The following MTNR1A variants were observed in gnomAD, a reference collection of about 807,000 sequenced individuals.
The protein encoded by MTNR1A is melatonin receptor 1A, also known as melatonin receptor type 1A.
A neutral mutation model predicts 5.5 loss-of-function variants in MTNR1A; 7 were observed. That is an observed-to-expected ratio of 1.28 (90% CI 0.73 to 2.40). The LOEUF (loss-of-function observed/expected upper bound fraction) is 2.40. MTNR1A is among the 30% of genes most tolerant of loss of function. The pLI is 0.00. For missense variants in MTNR1A, 441 were observed against 464.4 expected, an observed-to-expected ratio of 0.95 and a Z score of 0.46; for synonymous variants, 196 against 202.7, an observed-to-expected ratio of 0.97 and a Z score of 0.28.
chr4:186,534,225 T>A lies in MTNR1A; in HGVS notation c.517A>T (p.Arg173Trp). 1 of 1,613,892 alleles carries A rather than the reference T, an allele frequency of 6.2e-7. No homozygotes were observed. The highest frequency in any genetic ancestry group is 8.5e-7 in the Non-Finnish European group (1 of 1,179,944). ...TGGGCGAAGGTGCACGAGTAGATCC[T>A]CGGGTCGTACTGGAGAGTCCCTGCA... ...LRAGTLQYDP[R>W]IYSCTFAQSV... is the part of the protein sequence containing the mutation. The change falls in exon 2 of 2, where the codon AGG (arginine) becomes TGG (tryptophan). Residue 173 changes from arginine to tryptophan, a missense_variant. Transcript: ENST00000307161.
chr4:186,543,705 A>G (rs1737077748), intron 1 of MTNR1A, among the ~76,000 whole-genome samples: 1 of 152,250 alleles, frequency 6.6e-6, no homozygotes, highest in African/African-American at 2.4e-5. Flanking sequence ...AAAGTTGCAT[A>G]AAGAGACTGT....
chr4:186,544,244 C>G (rs1737090070), intron 1 of MTNR1A, among the ~76,000 whole-genome samples: 1 of 152,190 alleles, frequency 6.6e-6, no homozygotes, highest in Non-Finnish European at 1.5e-5. Flanking sequence ...TAGTCTCGAT[C>G]TCTTGACCTC....
At position 186,555,488 on chromosome 4, in the gene MTNR1A, G is replaced by A. The variant is rs1403982812; in HGVS notation, c.-123C>T. On this transcript the variant is annotated 5_prime_UTR_variant, in exon 1 of 2. Transcript: ENST00000307161. This position sits in a 1 kb window ranked among gnomAD's most constrained non-coding sequence, Gnocchi z 4.1. ...CCCATCCCGCGCGCTCCTCCACGCC[G>A]CGCCCCCGGACGCCCACGCCGCGCC... 4 of 785,834 alleles carry A rather than the reference G, an allele frequency of 5.1e-6. No homozygotes were observed. Among genetic ancestry groups the A allele is most frequent in the Non-Finnish European group, 6.7e-6 (4 of 598,352 alleles). The allele number at this position is 785,834 out of a possible 1,614,324, so 48.7% of individuals were successfully genotyped here. A position where few individuals can be genotyped will look rare whatever the true frequency, so the allele number is the denominator to read the frequency against.
Position 186,534,399 on chromosome 4 carries a change from T to C in MTNR1A, c.343A>G (p.Ile115Val). 1 of 1,614,138 alleles carries C rather than the reference T, an allele frequency of 6.2e-7. No homozygotes were observed. Among genetic ancestry groups the C allele is most frequent in the Non-Finnish European group, 8.5e-7 (1 of 1,180,028 alleles). ...ATGGCGATGCCGGTGATGTTGAATA[T>C]GGAGCCGATGACGCTCAGGCCCATC... ...FLMGLSVIGSIFNITGIAINR... is the reference protein window; with the variant it reads ...FLMGLSVIGSVFNITGIAINR... The change falls in exon 2 of 2, where the codon ATA becomes GTA. Residue 115 changes from isoleucine to valine, a missense_variant. Physicochemically the swap from Ile to Val is conservative, Grantham distance 29. Transcript: ENST00000307161.
chr4:186,536,539 G>T (rs1736856832), intron 1 of MTNR1A, among the ~76,000 whole-genome samples: 1 of 152,056 alleles, frequency 6.6e-6, no homozygotes, highest in African/African-American at 2.4e-5. Context: ...GTCTCCAGAT[G>T]GTGGCCCTCG....
intron 1 of MTNR1A, among the ~76,000 whole-genome samples, chr4:186,544,169 CGCCACCATGCCCA>C (rs1560896207): frequency 2.0e-5 from 3 of 152,072 alleles, no homozygotes. Context: ...TACAGGTGCA[CGCCACCATGCCCA>C]GCTAATTTTT....
intron 1 of MTNR1A, among the ~76,000 whole-genome samples, chr4:186,547,449 G>C (rs901974925): frequency 6.6e-6 from 1 of 151,838 alleles, no homozygotes; most frequent in African/African-American, 2.4e-5. Context: ...CTCACACCCT[G>C]TTCCTGGGAC....
rs1736767642 is a variant in MTNR1A, at chr4:186,533,854, C to T, written c.888G>A (p.Gly296=). The stretch of plus-strand genomic sequence containing the variant: ...CCTTCCTGAAATTTTGGTTCAGTAG[C>T]CCGTATATAATGGCATTGAGGCAGC... ...FNSCLNAIIY[G]LLNQNFRKEY... is the part of the protein sequence containing the mutation. Residue 296 remains glycine (G), a synonymous_variant, in exon 2 of 2, where the codon GGG becomes GGA. Transcript: ENST00000307161. 1.2e-6 allele frequency: 2 copies of T among 1,614,128 alleles called. No individual in the cohort carries two copies. Among genetic ancestry groups the T allele is most frequent in the Non-Finnish European group, 1.7e-6 (2 of 1,180,024 alleles).
chr4:186,555,185 C>A lies in MTNR1A; in HGVS notation c.181G>T (p.Ala61Ser). 6.3e-7 allele frequency: 1 copy of A among 1,591,748 alleles called. No homozygotes were observed. The highest frequency in any genetic ancestry group is 8.5e-7 in the Non-Finnish European group (1 of 1,169,770). ...GGGGAGGCGGCGCGGGCCCTACCTG[C>A]GTTCCTGAGCTTCTTGTTCCGATAC... is the stretch of plus-strand genomic sequence containing the variant. ...SVYRNKKLRN[A>S]GNIFVVSLAV... Residue 61 changes from alanine (A) to serine (S), a missense_variant, in exon 1 of 2, where the codon GCA (alanine) becomes TCA (serine). Coordinates refer to ENST00000307161, the MANE Select transcript of MTNR1A (RefSeq NM_005958.4). This position sits in a 1 kb window ranked among gnomAD's most constrained non-coding sequence, Gnocchi z 4.1.
Position 186,534,351 on chromosome 4 carries a change from G to A in MTNR1A, c.391C>T (p.His131Tyr). The change falls in exon 2 of 2, where the codon CAC becomes TAC. Residue 131 changes from histidine (H) to tyrosine (Y), a missense_variant. Transcript: ENST00000307161. ...IAINRYCYIC[H>Y]SLKYDKLYSS... ...TACAGTTTGTCGTACTTGAGACTGT[G>A]GCAGATGTAGCAGTAGCGGTTGATG... is the stretch of plus-strand genomic sequence containing the variant. The A allele has an allele frequency of 1.2e-6, 2 of 1,614,172 alleles. No homozygotes were observed. Among genetic ancestry groups the A allele is most frequent in the Non-Finnish European group, 1.7e-6 (2 of 1,180,040 alleles).
chr4:186,553,775 G>T (rs1206815672), intron 1 of MTNR1A, among the ~76,000 whole-genome samples: 1 of 152,232 alleles, frequency 6.6e-6, no homozygotes, highest in African/African-American at 2.4e-5. Flanking sequence ...GCCTCCCAAA[G>T]TGCTGGGATT....
intron 1 of MTNR1A, among the ~76,000 whole-genome samples, chr4:186,537,411 T>C (rs557968018): frequency 3.8e-4 from 58 of 152,344 alleles, no homozygotes; most frequent in African/African-American, 1.4e-3. Flanking sequence ...TCCAGACATA[T>C]GGACAATCTA....
At chr4:186,541,110 G>A (rs1176621037) in intron 1 of MTNR1A, among the ~76,000 whole-genome samples, 3 of 152,144 alleles carry the variant, frequency 2.0e-5, no homozygotes, top group Admixed American at 6.5e-5. Context: ...TCATGAGGAC[G>A]TGCCCCTGAC....
Position 186,534,232 on chromosome 4 carries a change from G to A in MTNR1A, c.510C>T (p.Tyr170=), listed in dbSNP as rs773150171. The A allele has an allele frequency of 2.0e-5, 33 of 1,614,010 alleles. No individual in the cohort carries two copies. The highest frequency in any genetic ancestry group is 1.3e-4 in the African/African-American group (10 of 74,894). The change falls in exon 2 of 2, where the codon TAC becomes TAT. Residue 170 remains tyrosine, a synonymous_variant. Transcript: ENST00000307161. ...LPNLRAGTLQ[Y]DPRIYSCTFA... ...AGGTGCACGAGTAGATCCTCGGGTC[G>A]TACTGGAGAGTCCCTGCACGGAGGT... is the stretch of plus-strand genomic sequence containing the variant.
intron 1 of MTNR1A, among the ~76,000 whole-genome samples, chr4:186,552,109 G>T (rs372211547): frequency 6.6e-6 from 1 of 152,200 alleles, no homozygotes; most frequent in East Asian, 1.9e-4. Context: ...TTCAGGAGCC[G>T]TGAATGGTGA....
At chr4:186,551,734 ATC>A (rs1188534045) in intron 1 of MTNR1A, among the ~76,000 whole-genome samples, 2 of 152,088 alleles carry the variant, frequency 1.3e-5, no homozygotes, top group Non-Finnish European at 2.9e-5. Flanking sequence ...CTTGAACCAG[ATC>A]TCTGAGGCCC....
chr4:186,551,191 T>C (rs1737260617), intron 1 of MTNR1A, among the ~76,000 whole-genome samples: 1 of 152,192 alleles, frequency 6.6e-6, no homozygotes, highest in South Asian at 2.1e-4. Context: ...TACTGTAGCT[T>C]CTAGAGCTGA....
intron 1 of MTNR1A, among the ~76,000 whole-genome samples, chr4:186,541,386 C>G (rs1737020541): frequency 6.6e-6 from 1 of 152,060 alleles, no homozygotes; most frequent in Non-Finnish European, 1.5e-5. Flanking sequence ...TCAGCTAGAC[C>G]AGGGGTCCCC....
intron 1 of MTNR1A, among the ~76,000 whole-genome samples, chr4:186,553,977 C>T (rs7670305): frequency 0.97 from 148,020 of 152,290 alleles, 71,970 homozygotes; most frequent in East Asian, 1. Flanking sequence ...CTCTGTAAGG[C>T]GAGTTGACCA....
Sources: allele counts gnomAD v4.1 joint callset (sites outside exome capture counted in the v4.1 genomes callset), GRCh38; gene constraint gnomAD v4.1.1; non-coding constraint Gnocchi (gnomAD v3.1); transcripts MANE v1.5; gene names NCBI Gene and HGNC (gene_info 2026-07-23, HGNC 2026-07-21).